The following CDC5L variants were observed in gnomAD, a reference collection of about 807,000 sequenced individuals.
CDC5L encodes cell division cycle 5-like protein.
A neutral mutation model predicts 104.1 loss-of-function variants in CDC5L; 18 were observed. The observed-to-expected ratio is 0.17, with a 90% CI of 0.12 to 0.26. CDC5L has a LOEUF of 0.26. CDC5L is among the 10% of genes least tolerant of loss of function. CDC5L has a pLI of 1.00. For missense variants in CDC5L, 673 were observed against 956.9 expected, an observed-to-expected ratio of 0.70 and a Z score of 3.91; for synonymous variants, 331 against 322.7, an observed-to-expected ratio of 1.03 and a Z score of -0.28.
chr6:44,395,835 A>T (rs542527551), intron 4 of CDC5L, among the ~76,000 whole-genome samples: 1 of 152,194 alleles, frequency 6.6e-6, no homozygotes, highest in Non-Finnish European at 1.5e-5. Context: ...ATTCCATTCT[A>T]TAGAGCCACG....
intron 14 of CDC5L, among the ~76,000 whole-genome samples, chr6:44,443,343 T>G (rs1405117752): frequency 6.6e-6 from 1 of 151,998 alleles, no homozygotes; most frequent in Non-Finnish European, 1.5e-5. Flanking sequence ...CTCTTTGAAT[T>G]TATCTTATTT....
chr6:44,405,416 G>A (rs1791320364), intron 6 of CDC5L, among the ~76,000 whole-genome samples: 1 of 152,180 alleles, frequency 6.6e-6, no homozygotes. Context: ...GTACTAAGTG[G>A]GGGAGGCAAG....
At chr6:44,424,711 A>T in intron 11 of CDC5L, 128 bp downstream of exon 11, 1 of 751,206 alleles carries the variant, frequency 1.3e-6, no homozygotes, top group Admixed American at 3.1e-5. Flanking sequence ...AAACTTCTAA[A>T]GTAAATAACT....
At chr6:44,422,162 G>GTT (rs1220310910) in intron 9 of CDC5L, among the ~76,000 whole-genome samples, 1 of 152,168 alleles carries the variant, frequency 6.6e-6, no homozygotes, top group Non-Finnish European at 1.5e-5. Context: ...GTGGTGTTTG[G>GTT]TTTCCAAACA....
intron 8 of CDC5L, among the ~76,000 whole-genome samples, chr6:44,409,432 T>A (rs1408679663): frequency 6.6e-6 from 1 of 152,266 alleles, no homozygotes; most frequent in African/African-American, 2.4e-5. Context: ...TCTTGGTTTA[T>A]CTTATGACTC....
chr6:44,400,337 C>T (rs992964477), intron 5 of CDC5L, among the ~76,000 whole-genome samples: 7 of 152,188 alleles, frequency 4.6e-5, no homozygotes, highest in Non-Finnish European at 1.0e-4. Flanking sequence ...TTTGGGTACT[C>T]CCCCAGCCTT....
At chr6:44,420,630 T>C (rs1391196422) in intron 9 of CDC5L, among the ~76,000 whole-genome samples, 1 of 152,204 alleles carries the variant, frequency 6.6e-6, no homozygotes, top group Admixed American at 6.5e-5. Context: ...AGTGCTGGTA[T>C]TACAGGTGTG....
At chr6:44,406,770 C>T (rs11571954) in intron 7 of CDC5L, among the ~76,000 whole-genome samples, 28 of 152,066 alleles carry the variant, frequency 1.8e-4, no homozygotes, top group Admixed American at 7.9e-4. Context: ...AAAAATTAGG[C>T]GGGATGGTGG....
At chr6:44,406,026 C>T (rs574425098) in intron 6 of CDC5L, among the ~76,000 whole-genome samples, 1 of 151,916 alleles carries the variant, frequency 6.6e-6, no homozygotes, top group Non-Finnish European at 1.5e-5. Context: ...CTCAGCCTCC[C>T]GAGTAGCTGG....
At position 44,390,147 on chromosome 6, in the gene CDC5L, T is replaced by G. The variant is rs6908640; in HGVS notation, c.46-121T>G. 620,034 of 621,616 alleles carry G rather than the reference T, an allele frequency of 1. 309,243 individuals are homozygous for G. The highest frequency in any genetic ancestry group is 1 in the East Asian group (35,129 of 35,130). 38.5% of individuals were successfully genotyped at this position (621,616 alleles called of 1,614,324 possible). A position where few individuals can be genotyped will look rare whatever the true frequency, so the allele number is the denominator to read the frequency against. On this transcript the variant is annotated intron_variant, in intron 1 of 15. Coordinates refer to ENST00000371477, the MANE Select transcript of CDC5L (RefSeq NM_001253.4). ...TTCATCCTTAGTCTTTTAACCTAGGTGGTGTGTATGTGCATGTTATATGTC... is the reference window on the plus strand; with the variant it reads ...TTCATCCTTAGTCTTTTAACCTAGGGGGTGTGTATGTGCATGTTATATGTC...
intron 14 of CDC5L, among the ~76,000 whole-genome samples, chr6:44,437,974 G>T (rs1793011023): frequency 6.6e-6 from 1 of 152,088 alleles, no homozygotes; most frequent in Admixed American, 6.5e-5. Context: ...TTTGGAGACA[G>T]GGTCTTTCTC....
In CDC5L at chr6:44,426,633, A is replaced by G. The variant is rs368161524; in HGVS notation, c.1802A>G (p.Lys601Arg). The G allele has an allele frequency of 2.6e-5, 42 of 1,613,420 alleles. No homozygotes were observed. Among genetic ancestry groups the G allele is most frequent in the Non-Finnish European group, 3.4e-5 (40 of 1,179,640 alleles). Reference sequence around the variant, plus strand: ...GAACCATCTGGAAATAAAAAAGGCAAAACTGTAGGGTTTGGTACCAATAAT... The same window carrying G: ...GAACCATCTGGAAATAAAAAAGGCAGAACTGTAGGGTTTGGTACCAATAAT... ...PYEPSGNKKGKTVGFGTNNSE... is the reference protein window; with the variant it reads ...PYEPSGNKKGRTVGFGTNNSE... The change falls in exon 13 of 16, where the codon AAA (lysine) becomes AGA (arginine). Residue 601 changes from lysine (K) to arginine (R), a missense_variant. Transcript: ENST00000371477.
chr6:44,417,159 T>G (rs2153380033), intron 8 of CDC5L, among the ~76,000 whole-genome samples: 1 of 152,280 alleles, frequency 6.6e-6, no homozygotes, highest in African/African-American at 2.4e-5. Context: ...TAAGGAGGAC[T>G]CAGCGGTTCT....
chr6:44,396,036 G>A (rs905319670), intron 4 of CDC5L, among the ~76,000 whole-genome samples: 7 of 152,080 alleles, frequency 4.6e-5, no homozygotes, highest in African/African-American at 9.7e-5. Flanking sequence ...TACATATTTC[G>A]TTTTACTTAG....
chr6:44,442,865 C>T (rs993144988), intron 14 of CDC5L, among the ~76,000 whole-genome samples: 32 of 152,138 alleles, frequency 2.1e-4, no homozygotes, highest in African/African-American at 5.6e-4. Context: ...TTAGTGTTCT[C>T]TTCCTTCAGC....
intron 5 of CDC5L, among the ~76,000 whole-genome samples, chr6:44,399,111 C>A (rs1392079524): frequency 6.6e-6 from 1 of 152,226 alleles, no homozygotes; most frequent in East Asian, 1.9e-4. Flanking sequence ...CACCACCATT[C>A]CCACCTAATT....
rs1192379037 is a variant in CDC5L at position 44,450,264 on chromosome 6, G to A, written c.*3553G>A. 6.6e-6 allele frequency: 1 copy of A among 152,166 alleles called. No homozygotes were observed. The highest frequency in any genetic ancestry group is 2.4e-5 in the African/African-American group (1 of 41,438). 9.4% of individuals were successfully genotyped at this position (152,166 alleles called of 1,614,324 possible). On this transcript the variant is annotated 3_prime_UTR_variant, in exon 16 of 16. Transcript: ENST00000371477. ...CATTAAGCAGTTATAACATGGGAATGATTTGTTCATGAAAGGTTGAAAGTC... is the reference window on the plus strand; with the variant it reads ...CATTAAGCAGTTATAACATGGGAATAATTTGTTCATGAAAGGTTGAAAGTC...
chr6:44,403,613 T>C (rs958023193), intron 5 of CDC5L, among the ~76,000 whole-genome samples, 196 bp from the exon 6 acceptor site: 3 of 152,194 alleles, frequency 2.0e-5, no homozygotes, highest in Admixed American at 2.0e-4. Context: ...TTGGTTTTTC[T>C]TTTTGCCTTA....
intron 15 of CDC5L, among the ~76,000 whole-genome samples, 185 bp downstream of exon 15, chr6:44,446,052 A>G (rs1433171580): frequency 6.6e-6 from 1 of 151,554 alleles, no homozygotes; most frequent in African/African-American, 2.4e-5. Flanking sequence ...TAGACCAGGC[A>G]AGTTGTAGAT....
Sources: gnomAD v4.1 joint callset for allele counts (sites outside exome capture counted in the v4.1 genomes callset) on GRCh38, gnomAD v4.1.1 for gene constraint, MANE v1.5 for transcripts, NCBI Gene and HGNC (gene_info 2026-07-23, HGNC 2026-07-21) for gene names.